Variants in LGR4 observed in about 807,000 individuals in gnomAD.
LGR4 encodes the protein leucine rich repeat containing G protein-coupled receptor 4.
In LGR4, 44 loss-of-function variants were observed where a neutral mutation model predicts 84.8. The ratio of observed to expected loss-of-function variants is 0.52; its 90% CI spans 0.41 to 0.67. The LOEUF (loss-of-function observed/expected upper bound fraction) is 0.67, where lower values mean the gene tolerates loss of function less well. LGR4 is among the 30% of genes least tolerant of loss of function. The pLI, the probability that LGR4 is intolerant of heterozygous loss-of-function variation, is 0.00. For missense variants in LGR4, 1,032 were observed against 1,131.4 expected, an observed-to-expected ratio of 0.91 and a Z score of 1.26; for synonymous variants, 429 against 434.3, an observed-to-expected ratio of 0.99 and a Z score of 0.15.
intron 1 of LGR4, among the ~76,000 whole-genome samples, chr11:27,451,799 T>C (rs1864484053): frequency 1.3e-5 from 2 of 152,200 alleles, no homozygotes; most frequent in Non-Finnish European, 2.9e-5. Context: ...TCCAAGGTCA[T>C]TCCTCATACT....
chr11:27,472,090 C>CA (rs754478209), intron 1 of LGR4, 28 bp downstream of exon 1: 3 of 1,286,912 alleles, frequency 2.3e-6, no homozygotes, highest in African/African-American at 3.1e-5. Context: ...TCCTCCCCCC[C>CA]CCTCGCGTCC....
chr11:27,400,336 CTTTT>C (rs1293325815), intron 2 of LGR4, among the ~76,000 whole-genome samples: 1 of 151,986 alleles, frequency 6.6e-6, no homozygotes, highest in Non-Finnish European at 1.5e-5. Context: ...ACTCCTCCTG[CTTTT>C]TTTGTTTTTC....
At chr11:27,443,585 A>G (rs754596930) in intron 1 of LGR4, among the ~76,000 whole-genome samples, 1 of 152,252 alleles carries the variant, frequency 6.6e-6, no homozygotes, top group East Asian at 1.9e-4. Context: ...GGCTGAATCC[A>G]TACGCAAGGA....
intron 2 of LGR4, among the ~76,000 whole-genome samples, chr11:27,408,555 T>A (rs1863654411): frequency 6.6e-6 from 1 of 152,034 alleles, no homozygotes; most frequent in African/African-American, 2.4e-5. Context: ...TTTTCACAGC[T>A]CCAAATTTCA....
intron 1 of LGR4, among the ~76,000 whole-genome samples, chr11:27,438,118 T>C (rs1864243929): frequency 6.6e-6 from 1 of 152,296 alleles, no homozygotes; most frequent in Middle Eastern, 3.4e-3. Flanking sequence ...TCAAAGGCCA[T>C]TTCTTTATTC....
At chr11:27,416,244 C>T (rs1863815069) in intron 1 of LGR4, among the ~76,000 whole-genome samples, 1 of 152,148 alleles carries the variant, frequency 6.6e-6, no homozygotes. Context: ...GATGGCCTTA[C>T]TGGGAGTACG....
chr11:27,396,297 A>G (rs951203272), intron 2 of LGR4, among the ~76,000 whole-genome samples: 1 of 152,222 alleles, frequency 6.6e-6, no homozygotes, highest in Non-Finnish European at 1.5e-5. Flanking sequence ...CTGAGTATCA[A>G]TAGATGTCAC....
intron 1 of LGR4, among the ~76,000 whole-genome samples, chr11:27,456,721 G>C (rs1864582381): frequency 6.6e-6 from 1 of 152,064 alleles, no homozygotes; most frequent in African/African-American, 2.4e-5. Context: ...ATTAACATGG[G>C]AAATGATGTG....
At chr11:27,374,503 C>T (rs1862940684) in intron 13 of LGR4, among the ~76,000 whole-genome samples, 2 of 152,114 alleles carry the variant, frequency 1.3e-5, no homozygotes, top group South Asian at 4.2e-4. Context: ...TCCAGGAGGG[C>T]TGCAGATACC....
intron 1 of LGR4, among the ~76,000 whole-genome samples, chr11:27,464,093 G>A (rs564437379): frequency 8.5e-5 from 13 of 152,224 alleles, no homozygotes; most frequent in Non-Finnish European, 1.9e-4. Flanking sequence ...ACAGAAAAGA[G>A]TTGATAGGCT....
At chr11:27,448,050 G>A (rs1050828115) in intron 1 of LGR4, among the ~76,000 whole-genome samples, 1 of 152,140 alleles carries the variant, frequency 6.6e-6, no homozygotes, top group African/African-American at 2.4e-5. Context: ...ATTGCTCTCT[G>A]TAGCACTGTA....
At chr11:27,442,693 G>A (rs894267911) in intron 1 of LGR4, among the ~76,000 whole-genome samples, 8 of 152,172 alleles carry the variant, frequency 5.3e-5, no homozygotes, top group Non-Finnish European at 8.8e-5. Flanking sequence ...CAAAGAAAGA[G>A]TCAATATTCC....
intron 2 of LGR4, 138 bp from the exon 3 acceptor site, chr11:27,392,656 TA>T: frequency 1.4e-6 from 1 of 695,506 alleles, no homozygotes; most frequent in Non-Finnish European, 2.3e-6. Flanking sequence ...AACGTGGACT[TA>T]AACCCTTGCT....
chr11:27,439,901 C>CTTT (rs1164372130), intron 1 of LGR4, among the ~76,000 whole-genome samples: 96 of 100,696 alleles, frequency 9.5e-4, no homozygotes, highest in Non-Finnish European at 1.2e-3. Context: ...TAGGATTTCT[C>CTTT]TTTTTTTTTT....
Position 27,392,522 on chromosome 11 carries a change from G to GAAA in LGR4, c.258-5_258-4insTTT. 2 of 1,320,432 alleles carry GAAA rather than the reference G, an allele frequency of 1.5e-6. No individual in the cohort carries two copies. The highest frequency in any genetic ancestry group is 1.9e-5 in the South Asian group (1 of 52,490). The allele number at this position is 1,320,432 out of a possible 1,614,324, so 81.8% of individuals were successfully genotyped here. On this transcript the variant is annotated splice_region_variant and splice_polypyrimidine_tract_variant and intron_variant, in intron 2 of 17. Transcript: ENST00000379214. ...AAGGTCGTTGCCCGCCAATTGTCTA[G>GAAA]AGAAAAAAAAAAAAAAAGTAGCAAG...
intron 1 of LGR4, among the ~76,000 whole-genome samples, chr11:27,447,369 T>G (rs1302775817): frequency 6.6e-6 from 1 of 151,994 alleles, no homozygotes; most frequent in Non-Finnish European, 1.5e-5. Flanking sequence ...TCCTCACTGC[T>G]CATTATATGC....
In LGR4 at chr11:27,412,872, A is replaced by G. The variant is rs748633646; in HGVS notation, c.186-12T>C. ...TCATACTGATATCCCTGGAAAACGT[A>G]AAGTTAAGAATATTGTTAATTAAGT... On this transcript the variant is annotated splice_polypyrimidine_tract_variant and intron_variant, in intron 1 of 17. Transcript: ENST00000379214. The G allele has an allele frequency of 7.1e-6, 11 of 1,555,472 alleles. No individual in the cohort carries two copies. The highest frequency in any genetic ancestry group is 1.4e-5 in the African/African-American group (1 of 73,684).
At chr11:27,400,445 T>C (rs1249072671) in intron 2 of LGR4, among the ~76,000 whole-genome samples, 5 of 152,060 alleles carry the variant, frequency 3.3e-5, no homozygotes, top group African/African-American at 1.2e-4. Context: ...AATAAAACAA[T>C]GTAAATAAAC....
In LGR4 at chr11:27,391,138, T is replaced by A; in HGVS notation, c.357A>T (p.Thr119=). The A allele has an allele frequency of 6.2e-7, 1 of 1,609,252 alleles. No homozygotes were observed. Among genetic ancestry groups the A allele is most frequent in the East Asian group, 2.2e-5 (1 of 44,740 alleles). Residue 119 remains threonine, a synonymous_variant, in exon 4 of 18, where the codon ACA becomes ACT. Transcript: ENST00000379214. ...VLTLQNNQLK[T]VPSEAIRGLS... ...GCCCTCGAATGGCTTCACTGGGTAC[T>A]GTTTTCAACTGATTATTCTGGAGCG...
Sources: allele counts gnomAD v4.1 joint callset (sites outside exome capture counted in the v4.1 genomes callset), GRCh38; gene constraint gnomAD v4.1.1; transcripts MANE v1.5; gene names NCBI Gene and HGNC (gene_info 2026-07-23, HGNC 2026-07-21).